PDE8B: variants seen among roughly 807,000 people sequenced by gnomAD.
PDE8B encodes high affinity cAMP-specific and IBMX-insensitive 3',5'-cyclic phosphodiesterase 8B.
PDE8B carries 26 observed loss-of-function variants against 101.3 expected under a neutral mutation model. That is an observed-to-expected ratio of 0.26 (90% confidence interval 0.19 to 0.36). PDE8B has a LOEUF of 0.36. PDE8B is among the 10% of genes least tolerant of loss of function. The probability of loss-of-function intolerance (pLI) is 1.00; values close to 1 mark genes in which losing one functional copy is unlikely to be tolerated. For missense variants in PDE8B, 810 were observed against 1,163.1 expected (o/e 0.70, Z 4.42); for synonymous variants, 424 against 429.3 (o/e 0.99, Z 0.15).
At chr5:77,409,331 T>C (rs917491348) in intron 14 of PDE8B, among the ~76,000 whole-genome samples, 8 of 152,182 alleles carry the variant, frequency 5.3e-5, no homozygotes, top group Non-Finnish European at 8.8e-5. Flanking sequence ...GGGCAACTGA[T>C]GGAGGGCTCA....
rs72769009 is a variant in PDE8B at position 77,416,359 on chromosome 5, G to A, written c.1912-1870G>A. Among the ~76,000 whole-genome samples the A allele has an allele frequency of 4.0e-3, 613 of 152,348 alleles. 4 individuals are homozygous for A. Among genetic ancestry groups the A allele is most frequent in the Middle Eastern group, 0.014 (4 of 294 alleles). ...CAGTGGCACTAGCTGGAGGCCCAGAGTTTGGGCCCCGTGGGTTCTCACTGC... is the reference window on the plus strand; with the variant it reads ...CAGTGGCACTAGCTGGAGGCCCAGAATTTGGGCCCCGTGGGTTCTCACTGC... On this transcript the variant is annotated intron_variant, in intron 17 of 21. Transcript: ENST00000264917.
chr5:77,255,064 C>G (rs963823532), intron 1 of PDE8B, among the ~76,000 whole-genome samples: 1 of 152,308 alleles, frequency 6.6e-6, no homozygotes, highest in South Asian at 2.1e-4. Flanking sequence ...TCCCTCCCTC[C>G]GAAGTGGTGC....
intron 2 of PDE8B, among the ~76,000 whole-genome samples, 198 bp downstream of exon 2, chr5:77,312,251 G>C (rs1772839762): frequency 6.6e-6 from 1 of 151,722 alleles, no homozygotes; most frequent in African/African-American, 2.4e-5. Flanking sequence ...TTACAGGTGT[G>C]CGCCACCATG....
intron 17 of PDE8B, among the ~76,000 whole-genome samples, chr5:77,416,409 G>GC (rs1795570520): frequency 6.6e-6 from 1 of 152,174 alleles, no homozygotes; most frequent in Non-Finnish European, 1.5e-5. Flanking sequence ...TGAAGGTGGA[G>GC]CCCAGGTTGG....
intron 10 of PDE8B, among the ~76,000 whole-genome samples, chr5:77,374,857 C>T (rs932817947): frequency 6.6e-6 from 1 of 152,190 alleles, no homozygotes; most frequent in Non-Finnish European, 1.5e-5. Flanking sequence ...TCTGGCTAAT[C>T]CTGTGCCTTT....
At chr5:77,365,723 A>G (rs1417456246) in intron 10 of PDE8B, among the ~76,000 whole-genome samples, 1 of 152,210 alleles carries the variant, frequency 6.6e-6, no homozygotes, top group African/African-American at 2.4e-5. Flanking sequence ...CAGAGCAGCC[A>G]GTGGCCCAAG....
At position 77,210,780 on chromosome 5, in the gene PDE8B, AG is replaced by A. The variant is rs1294741979; in HGVS notation, c.-145del. On this transcript the variant is annotated 5_prime_UTR_variant, in exon 1 of 22. Transcript: ENST00000264917. This position sits in a 1 kb window ranked among gnomAD's most constrained non-coding sequence, Gnocchi z 4.9. ...AGGCTCGGCGGGGGGCACCGCGGCC[AG>A]CCCGACGGAGCGGCGGACACACAGG... 2 of 982,326 alleles carry A rather than the reference AG, an allele frequency of 2.0e-6. No homozygotes were observed. Among genetic ancestry groups the A allele is most frequent in the African/African-American group, 3.5e-5 (2 of 56,460 alleles). The allele number at this position is 982,326 out of a possible 1,614,324, so 60.9% of individuals were successfully genotyped here. A position where few individuals can be genotyped will look rare whatever the true frequency, so the allele number is the denominator to read the frequency against.
chr5:77,322,571 C>T (rs1274763905), intron 2 of PDE8B, among the ~76,000 whole-genome samples: 1 of 152,132 alleles, frequency 6.6e-6, no homozygotes, highest in African/African-American at 2.4e-5. Context: ...TAGAACACAC[C>T]AGGGGCTCAT....
chr5:77,322,005 C>T (rs79823191), intron 2 of PDE8B, among the ~76,000 whole-genome samples: 9,817 of 152,158 alleles, frequency 0.065, 474 homozygotes, highest in South Asian at 0.14. Flanking sequence ...GCACAGGGAG[C>T]GGGAGGAGAT....
chr5:77,349,045 CT>C (rs1030402726), intron 7 of PDE8B, among the ~76,000 whole-genome samples: 1 of 152,036 alleles, frequency 6.6e-6, no homozygotes, highest in Admixed American at 6.6e-5. Flanking sequence ...ATTTTTATTT[CT>C]TTTTTTGTCT....
At position 77,411,665 on chromosome 5, in the gene PDE8B, C is replaced by T; in HGVS notation, c.1531-11C>T. Reference sequence around the variant, plus strand: ...AAAGCATGCTTCTAACAGGCTCTTCCTTTATTCCAGGACGGCTTGAGAAGA... The same window carrying T: ...AAAGCATGCTTCTAACAGGCTCTTCTTTTATTCCAGGACGGCTTGAGAAGA... On this transcript the variant is annotated splice_polypyrimidine_tract_variant and intron_variant, in intron 14 of 21. Transcript: ENST00000264917. 6.2e-7 allele frequency: 1 copy of T among 1,605,916 alleles called. No homozygotes were observed. The highest frequency in any genetic ancestry group is 8.5e-7 in the Non-Finnish European group (1 of 1,172,728).
the PDE8B span, among the ~76,000 whole-genome samples, chr5:77,092,709 A>C: frequency 3.9e-5 from 6 of 152,166 alleles, no homozygotes; most frequent in African/African-American, 1.4e-4. Context: ...ACTTGAGCCC[A>C]GGAGTTCGAG....
chr5:77,122,867 A>G, the PDE8B span, among the ~76,000 whole-genome samples: 2 of 152,236 alleles, frequency 1.3e-5, no homozygotes, highest in East Asian at 1.9e-4. Context: ...TAAGAGTCCA[A>G]CGAGATTGTG....
intron 1 of PDE8B, among the ~76,000 whole-genome samples, chr5:77,230,406 C>T (rs1753331611): frequency 6.6e-6 from 1 of 152,200 alleles, no homozygotes; most frequent in Non-Finnish European, 1.5e-5. Flanking sequence ...CCCTGTGGGG[C>T]CCTATCCCAG....
intron 11 of PDE8B, among the ~76,000 whole-genome samples, chr5:77,403,818 A>C (rs1792820082): frequency 6.7e-6 from 1 of 149,162 alleles, no homozygotes. Flanking sequence ...TTATTTTCTT[A>C]AATTCTTTTT....
At chr5:77,178,287 A>C in the PDE8B span, among the ~76,000 whole-genome samples, 1 of 152,072 alleles carries the variant, frequency 6.6e-6, no homozygotes, top group Non-Finnish European at 1.5e-5. Flanking sequence ...CTTTCAGAAA[A>C]CATTTATTTT....
the PDE8B span, among the ~76,000 whole-genome samples, chr5:77,159,702 G>A: frequency 0.29 from 43,384 of 152,156 alleles, 7,346 homozygotes; most frequent in Non-Finnish European, 0.37. Context: ...CTAGTCTTGA[G>A]CTGCAGGAGA....
chr5:77,358,419 A>T (rs1338599558), intron 10 of PDE8B: 2 of 984,932 alleles, frequency 2.0e-6, no homozygotes, highest in Non-Finnish European at 2.4e-6. Flanking sequence ...TTTTGTCTGC[A>T]CCACCCATTG....
In PDE8B at chr5:77,353,417, A is replaced by G. The variant is rs746035468; in HGVS notation, c.1167+11A>G. ...GACAATAATAAGCAGGTATGGTATT[A>G]GCTCACTTCGTTTGCTCTGTCTGTT... On this transcript the variant is annotated intron_variant, in intron 10 of 21. Transcript: ENST00000264917. The G allele has an allele frequency of 1.6e-5, 25 of 1,560,248 alleles. 1 individual carries two copies. The Middle Eastern group carries it at 8.4e-4, about 52-fold the overall frequency.
Sources: gnomAD v4.1 joint callset for allele counts (sites outside exome capture counted in the v4.1 genomes callset) on GRCh38, gnomAD v4.1.1 for gene constraint, Gnocchi (gnomAD v3.1) non-coding constraint, MANE v1.5 for transcripts, NCBI Gene and HGNC (gene_info 2026-07-23, HGNC 2026-07-21) for gene names.